SEL1L3: variants seen among roughly 807,000 people sequenced by gnomAD.
SEL1L3 encodes the protein protein sel-1 homolog 3.
In SEL1L3, 76 loss-of-function variants were observed where a neutral mutation model predicts 142.8. That is an observed-to-expected ratio of 0.53 (90% CI 0.44 to 0.64). The LOEUF is 0.64. Among genes scored for constraint, SEL1L3 ranks in the 30% least tolerant of loss-of-function variants. The pLI, the probability that SEL1L3 is intolerant of heterozygous loss-of-function variation, is 0.00. For synonymous variants in SEL1L3, 504 were observed against 519.6 expected, an observed-to-expected ratio of 0.97 and a Z score of 0.41; for missense variants, 1,262 against 1,381.7, an observed-to-expected ratio of 0.91 and a Z score of 1.37.
rs752786369 is a variant in SEL1L3, at chr4:25,804,688, CTT to C, written c.1627_1628del (p.Lys543GlufsTer4). ...IGGKIFEKAV[K>X]RLSSIDGLHQ... ...GAAGACCATCAATGCTAGAGAGTCT[CTT>C]TACAGCCTTCTCAAATATCTTCCCA... On this transcript the variant is annotated frameshift_variant, in exon 10 of 24. Transcript: ENST00000399878. LOFTEE classifies it high-confidence loss of function. The C allele has an allele frequency of 3.1e-6, 5 of 1,613,798 alleles. No homozygotes were observed. The highest frequency in any genetic ancestry group is 3.4e-6 in the Non-Finnish European group (4 of 1,179,806).
intron 17 of SEL1L3, among the ~76,000 whole-genome samples, chr4:25,771,267 T>C (rs1719167536): frequency 6.6e-6 from 1 of 152,256 alleles, no homozygotes; most frequent in African/African-American, 2.4e-5. Flanking sequence ...TCAAGCTTTA[T>C]TTCCAATGCA....
At chr4:25,811,962 T>A (rs1423790870) in intron 9 of SEL1L3, among the ~76,000 whole-genome samples, 1 of 152,198 alleles carries the variant, frequency 6.6e-6, no homozygotes, top group African/African-American at 2.4e-5. Flanking sequence ...TTCGCCTGAA[T>A]AGAGCTCATC....
the SEL1L3 span, among the ~76,000 whole-genome samples, chr4:25,723,770 T>C: frequency 2.2e-4 from 34 of 152,218 alleles, no homozygotes; most frequent in African/African-American, 7.5e-4. Flanking sequence ...CCACTCTAAG[T>C]TCAGGCTCAG....
At chr4:25,835,577 C>T (rs1472549955) in intron 2 of SEL1L3, among the ~76,000 whole-genome samples, 1 of 152,142 alleles carries the variant, frequency 6.6e-6, no homozygotes, top group African/African-American at 2.4e-5. Context: ...ATGAAAAGCC[C>T]GAGGCTAAGT....
At chr4:25,736,676 A>G in the SEL1L3 span, among the ~76,000 whole-genome samples, 1 of 152,220 alleles carries the variant, frequency 6.6e-6, no homozygotes, top group African/African-American at 2.4e-5. Flanking sequence ...AAGGATGTCA[A>G]TAGTGTCTTT....
At chr4:25,714,508 C>A in the SEL1L3 span, among the ~76,000 whole-genome samples, 1 of 54,182 alleles carries the variant, frequency 1.8e-5, no homozygotes. Flanking sequence ...CTTTTTCTTT[C>A]TTTCTTTCTT....
the SEL1L3 span, among the ~76,000 whole-genome samples, chr4:25,730,591 C>T: frequency 6.6e-6 from 1 of 152,052 alleles, no homozygotes; most frequent in Admixed American, 6.6e-5. Context: ...TTTATACTAC[C>T]TAGTCGTTGG....
chr4:25,852,702 T>C (rs546456335), intron 1 of SEL1L3, among the ~76,000 whole-genome samples: 1 of 152,330 alleles, frequency 6.6e-6, no homozygotes, highest in African/African-American at 2.4e-5. Flanking sequence ...ACCCAGGACA[T>C]GCAGAGGTGT....
chr4:25,767,862 A>G (rs1219220183), intron 17 of SEL1L3, 32 bp from the exon 18 acceptor site: 2 of 1,289,462 alleles, frequency 1.6e-6, no homozygotes, highest in African/African-American at 2.9e-5. Context: ...TAAATTTCAT[A>G]TAGTGGCTCT....
chr4:25,801,359 C>T lies in SEL1L3; in HGVS notation c.1956+924G>A, dbSNP rs551092172. Among the ~76,000 whole-genome samples, 23 of 152,318 alleles carry T rather than the reference C, an allele frequency of 1.5e-4. No homozygotes were observed. In the South Asian group the frequency reaches 3.3e-3, roughly 22 times the overall value. On this transcript the variant is annotated intron_variant, in intron 11 of 23. Transcript: ENST00000399878. Reference sequence around the variant, plus strand: ...TGGAGGTTGCAGTGAGCCAAGATTGCGCCACTGCCTTCCAGCCTGGTGGAC... The same window carrying T: ...TGGAGGTTGCAGTGAGCCAAGATTGTGCCACTGCCTTCCAGCCTGGTGGAC...
chr4:25,784,919 G>C (rs894266317), intron 13 of SEL1L3, among the ~76,000 whole-genome samples: 1 of 152,224 alleles, frequency 6.6e-6, no homozygotes, highest in Non-Finnish European at 1.5e-5. Flanking sequence ...TCATAAGAGA[G>C]AAACTCTGTG....
At chr4:25,832,867 G>A in intron 5 of SEL1L3, 128 bp downstream of exon 5, 1 of 622,888 alleles carries the variant, frequency 1.6e-6, no homozygotes, top group South Asian at 1.9e-5. Context: ...CAAGCGTGTA[G>A]TTGTAACGAG....
intron 11 of SEL1L3, among the ~76,000 whole-genome samples, chr4:25,793,184 G>A (rs776973843): frequency 1.3e-5 from 2 of 152,158 alleles, no homozygotes; most frequent in Non-Finnish European, 2.9e-5. Flanking sequence ...AATCCAAGCC[G>A]GCTGGTTGTG....
chr4:25,722,230 A>G, the SEL1L3 span, among the ~76,000 whole-genome samples: 3,565 of 152,312 alleles, frequency 0.023, 57 homozygotes, highest in Middle Eastern at 0.054. Context: ...AAGTTTGTTT[A>G]TGCAGACTCA....
At chr4:25,836,978 C>A (rs567878361) in intron 2 of SEL1L3, among the ~76,000 whole-genome samples, 1 of 152,142 alleles carries the variant, frequency 6.6e-6, no homozygotes, top group South Asian at 2.1e-4. Context: ...CCAATTTCTC[C>A]CCAGTAGCCA....
chr4:25,835,710 G>T (rs1715774430), intron 2 of SEL1L3, among the ~76,000 whole-genome samples: 1 of 152,226 alleles, frequency 6.6e-6, no homozygotes, highest in Non-Finnish European at 1.5e-5. Flanking sequence ...TGTTACAACA[G>T]TAAGTTAACA....
chr4:25,853,217 A>G (rs1465897605), intron 1 of SEL1L3, among the ~76,000 whole-genome samples: 1 of 152,198 alleles, frequency 6.6e-6, no homozygotes, highest in African/African-American at 2.4e-5. Flanking sequence ...CTCCAGACTG[A>G]GCAATAGAGT....
the SEL1L3 span, chr4:25,720,752 T>C: frequency 2.0e-5 from 3 of 152,240 alleles, no homozygotes; most frequent in African/African-American, 7.2e-5. Flanking sequence ...CCTTGAAATA[T>C]TCCTAGACTT....
chr4:25,806,379 T>C (rs1432713385), intron 9 of SEL1L3, among the ~76,000 whole-genome samples: 1 of 151,732 alleles, frequency 6.6e-6, no homozygotes, highest in African/African-American at 2.4e-5. Flanking sequence ...CGAGAGAGAC[T>C]CACTCTTATC....
Sources: allele counts gnomAD v4.1 joint callset (sites outside exome capture counted in the v4.1 genomes callset), GRCh38; gene constraint gnomAD v4.1.1; transcripts MANE v1.5; gene names NCBI Gene and HGNC (gene_info 2026-07-23, HGNC 2026-07-21).